The following UBE2E1 variants were observed in gnomAD, a reference collection of about 807,000 sequenced individuals.
UBE2E1 encodes ubiquitin conjugating enzyme E2 E1.
A neutral mutation model predicts 21.4 loss-of-function variants in UBE2E1; 6 were observed. That is an observed-to-expected ratio of 0.28 (90% confidence interval 0.15 to 0.55). The LOEUF (loss-of-function observed/expected upper bound fraction) is 0.55. UBE2E1 is among the 20% of genes least tolerant of loss of function. The pLI, the probability that UBE2E1 is intolerant of heterozygous loss-of-function variation, is 0.93. For synonymous variants in UBE2E1, 87 were observed against 82.7 expected, an observed-to-expected ratio of 1.05 and a Z score of -0.28; for missense variants, 142 against 236.5, an observed-to-expected ratio of 0.60 and a Z score of 2.62.
In UBE2E1 at chr3:23,806,516, A is replaced by G. The variant is rs1575793608; in HGVS notation, c.-34+428A>G. 1.4e-5 allele frequency among the ~76,000 whole-genome samples: 2 copies of G among 143,666 alleles called. No homozygotes were observed. Among genetic ancestry groups the G allele is most frequent in the Non-Finnish European group, 3.0e-5 (2 of 65,576 alleles). 94.3% of individuals were successfully genotyped at this position (143,666 alleles called of 152,430 possible). A position where few individuals can be genotyped will look rare whatever the true frequency, so the allele number is the denominator to read the frequency against. ...CTTCGCTGCGGAGGCCGACCCCCCC[A>G]TTCCCCGCCGCAGCCCCTATCCCCC... On this transcript the variant is annotated intron_variant, in intron 1 of 5. Transcript: ENST00000306627. The surrounding 1 kb of genome is among the most constrained non-coding windows in gnomAD (Gnocchi z 6.5).
At chr3:23,869,419 C>CTGTGTGTG (rs4024641) in intron 3 of UBE2E1, among the ~76,000 whole-genome samples, 2,850 of 132,508 alleles carry the variant, frequency 0.022, 39 homozygotes, top group Non-Finnish European at 0.029. Context: ...TGGTCTTTTC[C>CTGTGTGTG]TGTGTGTGTG....
intron 3 of UBE2E1, among the ~76,000 whole-genome samples, chr3:23,846,222 A>G (rs1466462135): frequency 6.6e-6 from 1 of 152,246 alleles, no homozygotes; most frequent in African/African-American, 2.4e-5. Flanking sequence ...AGGTAAATGT[A>G]ATGTTGAAAC....
At position 23,890,517 on chromosome 3, in the gene UBE2E1, T is replaced by C; in HGVS notation, c.493T>C (p.Leu165=). ...LLTDCNPADP[L]VGSIATQYMT... is the part of the protein sequence containing the mutation. ...ACATTCTTTTCTTCCAGCCGACCCC[T>C]TGGTGGGAAGTATTGCCACTCAGTA... The change falls in exon 6 of 6, where the codon TTG becomes CTG. Residue 165 remains leucine, a synonymous_variant. Coordinates refer to ENST00000306627, the MANE Select transcript of UBE2E1 (RefSeq NM_003341.5). The C allele has an allele frequency of 6.2e-7, 1 of 1,611,768 alleles. No homozygotes were observed. The highest frequency in any genetic ancestry group is 8.5e-7 in the Non-Finnish European group (1 of 1,179,168).
At chr3:23,878,997 A>G (rs776837538) in intron 3 of UBE2E1, 4 of 478,562 alleles carry the variant, frequency 8.4e-6, no homozygotes, top group East Asian at 5.5e-5. Flanking sequence ...TCCATCTCCT[A>G]TGATTGCACA....
At chr3:23,831,731 C>G (rs1699870940) in intron 3 of UBE2E1, among the ~76,000 whole-genome samples, 1 of 150,798 alleles carries the variant, frequency 6.6e-6, no homozygotes, top group African/African-American at 2.4e-5. Context: ...GAGTCTCACT[C>G]TGTTGCCCAG....
chr3:23,889,596 G>A lies in UBE2E1; in HGVS notation c.484+337G>A, dbSNP rs147828507. ...AACAAATCAGACACTTCTAAATGTC[G>A]AGTCATCTGCCTGGCAAGCCTCACC... On this transcript the variant is annotated intron_variant, in intron 5 of 5. Coordinates refer to ENST00000306627, the MANE Select transcript of UBE2E1 (RefSeq NM_003341.5). 297 of 984,960 alleles carry A rather than the reference G, an allele frequency of 3.0e-4. 2 individuals carry two copies. The African/African-American group carries it at 4.7e-3, about 16-fold the overall frequency. 61.0% of individuals were successfully genotyped at this position (984,960 alleles called of 1,614,324 possible).
chr3:23,888,143 G>A, intron 4 of UBE2E1: 1 of 449,340 alleles, frequency 2.2e-6, no homozygotes, highest in Non-Finnish European at 4.5e-6. Flanking sequence ...GGGCAGGTCA[G>A]GGGGCCAAAC....
chr3:23,871,457 G>A (rs1700786770), intron 3 of UBE2E1, among the ~76,000 whole-genome samples: 1 of 151,706 alleles, frequency 6.6e-6, no homozygotes, highest in Non-Finnish European at 1.5e-5. Context: ...CTCAGTAGGG[G>A]CGGCAGGGCA....
intron 3 of UBE2E1, among the ~76,000 whole-genome samples, chr3:23,882,155 G>A (rs1701059824): frequency 1.3e-5 from 2 of 152,172 alleles, no homozygotes; most frequent in South Asian, 4.1e-4. Flanking sequence ...GCTGGCTCTG[G>A]CAGCCTGCTT....
chr3:23,829,234 C>T (rs1699816945), intron 3 of UBE2E1, among the ~76,000 whole-genome samples: 1 of 150,476 alleles, frequency 6.6e-6, no homozygotes, highest in Non-Finnish European at 1.5e-5. Context: ...GATCATAGCT[C>T]ACTGCAGCCT....
At chr3:23,829,348 C>G (rs1484537941) in intron 3 of UBE2E1, among the ~76,000 whole-genome samples, 1 of 148,206 alleles carries the variant, frequency 6.7e-6, no homozygotes, top group Non-Finnish European at 1.5e-5. Context: ...TTAATAGAGA[C>G]AGGATCTCAC....
chr3:23,885,627 G>A (rs986961513), intron 3 of UBE2E1, among the ~76,000 whole-genome samples: 6 of 152,162 alleles, frequency 3.9e-5, no homozygotes, highest in African/African-American at 1.2e-4. Context: ...CTGGGAGGCC[G>A]AGGCGGGCGG....
rs185285057 is a variant in UBE2E1 at position 23,842,273 on chromosome 3, G to A, written c.203+30763G>A. ...TGGTGTTGTTGTTGTTGGCGACAGGGTCTCAATTCGTCGCCTAGGCTGGGA... is the reference window on the plus strand; with the variant it reads ...TGGTGTTGTTGTTGTTGGCGACAGGATCTCAATTCGTCGCCTAGGCTGGGA... On this transcript the variant is annotated intron_variant, in intron 3 of 5. Coordinates refer to ENST00000306627, the MANE Select transcript of UBE2E1 (RefSeq NM_003341.5). The surrounding 1 kb of genome is among the most constrained non-coding windows in gnomAD (Gnocchi z 4.6). Among the ~76,000 whole-genome samples, 1 of 138,870 alleles carries A rather than the reference G, an allele frequency of 7.2e-6. No homozygotes were observed. The highest frequency in any genetic ancestry group is 2.6e-5 in the African/African-American group (1 of 37,938). 91.1% of individuals were successfully genotyped at this position (138,870 alleles called of 152,430 possible). A position where few individuals can be genotyped will look rare whatever the true frequency, so the allele number is the denominator to read the frequency against.
At position 23,806,986 on chromosome 3, in the gene UBE2E1, G is replaced by C. The variant is rs1400787635; in HGVS notation, c.-33-251G>C. On this transcript the variant is annotated intron_variant, in intron 1 of 5. Coordinates refer to ENST00000306627, the MANE Select transcript of UBE2E1 (RefSeq NM_003341.5). The surrounding 1 kb of genome is among the most constrained non-coding windows in gnomAD (Gnocchi z 6.5). ...CTCCCTGCCCAGCGGAGAGCCCCGG[G>C]GGGCGAGGGAGGGGCCTCTCTCCTA... 1 of 276,686 alleles carries C rather than the reference G, an allele frequency of 3.6e-6. No individual in the cohort carries two copies. The highest frequency in any genetic ancestry group is 6.7e-6 in the Non-Finnish European group (1 of 148,798). 17.1% of individuals were successfully genotyped at this position (276,686 alleles called of 1,614,324 possible). A position where few individuals can be genotyped will look rare whatever the true frequency, so the allele number is the denominator to read the frequency against.
chr3:23,810,020 A>C lies in UBE2E1; in HGVS notation c.153-1440A>C, dbSNP rs1461266733. On this transcript the variant is annotated intron_variant, in intron 2 of 5. Transcript: ENST00000306627. The surrounding 1 kb of genome is among the most constrained non-coding windows in gnomAD (Gnocchi z 5.8). ...GTCCTCCAGTAGGAAGGTTTATAGA[A>C]CCTCCCCCAGTCGTCGTCCTTAAAA... Among the ~76,000 whole-genome samples the C allele has an allele frequency of 1.3e-5, 2 of 151,922 alleles. No individual in the cohort carries two copies. Among genetic ancestry groups the C allele is most frequent in the Non-Finnish European group, 2.9e-5 (2 of 67,980 alleles).
chr3:23,817,713 G>C (rs919358982), intron 3 of UBE2E1, among the ~76,000 whole-genome samples: 2 of 152,128 alleles, frequency 1.3e-5, no homozygotes, highest in African/African-American at 4.8e-5. Context: ...TGATGGAACA[G>C]TGTAAGCCAA....
Position 23,879,331 on chromosome 3 carries a change from C to A in UBE2E1, c.204-8236C>A, listed in dbSNP as rs78923347. 163 of 728,798 alleles carry A rather than the reference C, an allele frequency of 2.2e-4. No homozygotes were observed. The African/African-American group carries it at 2.6e-3, about 11-fold the overall frequency. The allele number at this position is 728,798 out of a possible 1,614,324, so 45.1% of individuals were successfully genotyped here. A position where few individuals can be genotyped will look rare whatever the true frequency, so the allele number is the denominator to read the frequency against. ...TTTGCCAAGATTACCTTAATTTTCT[C>A]CGTGTTAAATCTTTTGGTAGGTACA... On this transcript the variant is annotated intron_variant, in intron 3 of 5. Transcript: ENST00000306627.
At position 23,887,482 on chromosome 3, in the gene UBE2E1, G is replaced by C. The variant is rs111501211; in HGVS notation, c.204-85G>C. ...CACACAGTAAACAAAAGAGAGGAGA[G>C]AGGTAATCTTTCCATCTCTTTTAAT... is the stretch of plus-strand genomic sequence containing the variant. On this transcript the variant is annotated intron_variant, in intron 3 of 5. Transcript: ENST00000306627. The surrounding 1 kb of genome is among the most constrained non-coding windows in gnomAD (Gnocchi z 4.4). 3.2e-4 allele frequency: 468 copies of C among 1,479,042 alleles called. 2 individuals carry two copies. The African/African-American group carries it at 5.9e-3, about 19-fold the overall frequency. The allele number at this position is 1,479,042 out of a possible 1,614,324, so 91.6% of individuals were successfully genotyped here. A position where few individuals can be genotyped will look rare whatever the true frequency, so the allele number is the denominator to read the frequency against.
chr3:23,878,801 T>A (rs1700974938), intron 3 of UBE2E1, among the ~76,000 whole-genome samples: 2 of 152,220 alleles, frequency 1.3e-5, no homozygotes, highest in Admixed American at 1.3e-4. Context: ...CCCCACTGAT[T>A]CTACATTATG....
Sources: allele counts gnomAD v4.1 joint callset (sites outside exome capture counted in the v4.1 genomes callset), GRCh38; gene constraint gnomAD v4.1.1; non-coding constraint Gnocchi (gnomAD v3.1); transcripts MANE v1.5; gene names NCBI Gene and HGNC (gene_info 2026-07-23, HGNC 2026-07-21).